PHACTR1: variants seen among roughly 807,000 people sequenced by gnomAD.
The protein encoded by PHACTR1 is phosphatase and actin regulator 1, also known as RPEL repeat containing 1.
A neutral mutation model predicts 69.2 loss-of-function variants in PHACTR1; 16 were observed. The ratio of observed to expected loss-of-function variants is 0.23; its 90% CI spans 0.16 to 0.35. The LOEUF is 0.35. PHACTR1 is among the 10% of genes least tolerant of loss of function. PHACTR1 has a pLI of 1.00. For synonymous variants in PHACTR1, 312 were observed against 284.5 expected (o/e 1.10, Z -0.97); for missense variants, 510 against 734.7 (o/e 0.69, Z 3.54).
At chr6:12,995,634 T>A (rs945831475) in intron 4 of PHACTR1, among the ~76,000 whole-genome samples, 2 of 152,090 alleles carry the variant, frequency 1.3e-5, no homozygotes, top group Admixed American at 6.6e-5. Context: ...AATTATGTAT[T>A]AATACTTAAT....
At chr6:13,013,532 G>C (rs1799684442) in intron 4 of PHACTR1, among the ~76,000 whole-genome samples, 2 of 152,232 alleles carry the variant, frequency 1.3e-5, no homozygotes, top group African/African-American at 4.8e-5. Context: ...AGTGAAGGTA[G>C]CTTCAAACCC....
At position 13,038,410 on chromosome 6, in the gene PHACTR1, C is replaced by G. The variant is rs148768809; in HGVS notation, c.251-14955C>G. Among the ~76,000 whole-genome samples the G allele has an allele frequency of 3.7e-3, 528 of 140,898 alleles. 4 individuals are homozygous for G. Among genetic ancestry groups the G allele is most frequent in the African/African-American group, 0.013 (499 of 37,928 alleles). 92.4% of individuals were successfully genotyped at this position (140,898 alleles called of 152,430 possible). ...AATTTAACTCAAAGCCTGAGAGGTA[C>G]AAAAGTACTCTAGAGGAAGAGGAAA... On this transcript the variant is annotated intron_variant, in intron 4 of 14. Transcript: ENST00000332995.
intron 5 of PHACTR1, among the ~76,000 whole-genome samples, chr6:13,090,953 A>G (rs1453521350): frequency 2.0e-5 from 3 of 146,532 alleles, no homozygotes; most frequent in Non-Finnish European, 4.5e-5. Context: ...TAATTATACA[A>G]CTCACCATAA....
At chr6:13,271,903 C>T (rs982688197) in intron 10 of PHACTR1, among the ~76,000 whole-genome samples, 10 of 152,096 alleles carry the variant, frequency 6.6e-5, no homozygotes, top group African/African-American at 2.4e-4. Flanking sequence ...CTGCAACTTC[C>T]TCAACTAGGA....
At chr6:13,029,137 G>A (rs1802097378) in intron 4 of PHACTR1, among the ~76,000 whole-genome samples, 1 of 152,176 alleles carries the variant, frequency 6.6e-6, no homozygotes, top group Non-Finnish European at 1.5e-5. Flanking sequence ...TAGATAGTAT[G>A]CCTGAGTCTC....
chr6:12,868,940 C>T (rs1016206889), intron 4 of PHACTR1, among the ~76,000 whole-genome samples: 1 of 152,054 alleles, frequency 6.6e-6, no homozygotes, highest in Non-Finnish European at 1.5e-5. Flanking sequence ...TTGGAGAACC[C>T]CTTTTAGGTA....
At chr6:13,116,028 G>T (rs1302135008) in intron 5 of PHACTR1, among the ~76,000 whole-genome samples, 5 of 152,164 alleles carry the variant, frequency 3.3e-5, no homozygotes, top group African/African-American at 4.8e-5. Flanking sequence ...TTAGTGTGCT[G>T]CAGACTGTCT....
At position 13,182,588 on chromosome 6, in the gene PHACTR1, T is replaced by C. The variant is rs1391342505; in HGVS notation, c.566T>C (p.Leu189Pro). The C allele has an allele frequency of 6.2e-7, 1 of 1,613,768 alleles. No homozygotes were observed. The highest frequency in any genetic ancestry group is 1.7e-5 in the Admixed American group (1 of 60,008). ...ENGQSLSSSQLSLPALSEMEP... is the reference protein window; with the variant it reads ...ENGQSLSSSQPSLPALSEMEP... ...GGGCAGTCCCTGAGCTCCAGCCAGC[T>C]GTCTCTGCCTGCCCTGTCCGAAATG... Residue 189 changes from leucine (L) to proline (P), a missense_variant, in exon 7 of 15, where the codon CTG becomes CCG. By Grantham distance (98) the Leu-to-Pro change is moderately conservative. Around this residue, in one of 2 missense-constraint regions of PHACTR1, gnomAD observed 419 missense variants for 530.9 expected, o/e 0.79. Coordinates refer to ENST00000332995, the MANE Select transcript of PHACTR1 (RefSeq NM_030948.6).
intron 7 of PHACTR1, among the ~76,000 whole-genome samples, chr6:13,185,193 C>G (rs1394631667): frequency 6.6e-6 from 1 of 152,156 alleles, no homozygotes; most frequent in Non-Finnish European, 1.5e-5. Context: ...TTGTGTCAAG[C>G]AGCATTTGAT....
At chr6:12,849,830 C>T (rs933178355) in intron 4 of PHACTR1, among the ~76,000 whole-genome samples, 1 of 152,040 alleles carries the variant, frequency 6.6e-6, no homozygotes, top group African/African-American at 2.4e-5. Context: ...AATTCATACC[C>T]CCAATAATTA....
At chr6:13,064,745 G>C (rs1211477281) in intron 5 of PHACTR1, among the ~76,000 whole-genome samples, 1 of 149,772 alleles carries the variant, frequency 6.7e-6, no homozygotes, top group African/African-American at 2.5e-5. Context: ...CGTGGTCTGG[G>C]ACCCTAGGTC....
At position 12,758,319 on chromosome 6, in the gene PHACTR1, G is replaced by C. The variant is rs111716055; in HGVS notation, c.250+8529G>C. Among the ~76,000 whole-genome samples, 558 of 151,940 alleles carry C rather than the reference G, an allele frequency of 3.7e-3. 2 individuals carry two copies. Among genetic ancestry groups the C allele is most frequent in the African/African-American group, 0.012 (512 of 41,370 alleles). ...TTAGCCGGTGTGGGGGCACACACCT[G>C]TAGTCACAGCTACTCGGGAGGCTGA... On this transcript the variant is annotated intron_variant, in intron 4 of 14. Coordinates refer to ENST00000332995, the MANE Select transcript of PHACTR1 (RefSeq NM_030948.6).
intron 4 of PHACTR1, among the ~76,000 whole-genome samples, chr6:12,811,473 G>A (rs920276306): frequency 6.6e-6 from 1 of 152,168 alleles, no homozygotes; most frequent in East Asian, 1.9e-4. Flanking sequence ...ATCTTGACAC[G>A]GTAGTGGTTA....
intron 4 of PHACTR1, among the ~76,000 whole-genome samples, chr6:12,931,003 C>CAAA (rs34965562): frequency 4.0e-3 from 334 of 84,338 alleles, no homozygotes; most frequent in Non-Finnish European, 5.9e-3. Flanking sequence ...AACTCTGTCT[C>CAAA]AAAAAAAAAA....
At chr6:12,842,135 C>A (rs1037051983) in intron 4 of PHACTR1, among the ~76,000 whole-genome samples, 5 of 152,012 alleles carry the variant, frequency 3.3e-5, no homozygotes, top group African/African-American at 1.2e-4. Context: ...GGAAAAAAAT[C>A]TATAAGGAGA....
At chr6:13,156,493 A>G (rs1583623984) in intron 5 of PHACTR1, among the ~76,000 whole-genome samples, 2 of 152,324 alleles carry the variant, frequency 1.3e-5, no homozygotes. Flanking sequence ...TGAGTCATAC[A>G]CTTGGAGCCC....
intron 2 of PHACTR1, among the ~76,000 whole-genome samples, chr6:12,718,039 G>A (rs887175847): frequency 1.1e-4 from 16 of 152,160 alleles, no homozygotes; most frequent in African/African-American, 3.6e-4. Flanking sequence ...GCTAGTGTAT[G>A]ATAATATAGG....
chr6:13,255,161 A>G (rs1775006964), intron 10 of PHACTR1, among the ~76,000 whole-genome samples: 2 of 152,204 alleles, frequency 1.3e-5, no homozygotes, highest in African/African-American at 4.8e-5. Flanking sequence ...TGTGTCATAC[A>G]TGCTAGGAAC....
chr6:13,191,363 C>T (rs1265609276), intron 7 of PHACTR1, among the ~76,000 whole-genome samples: 1 of 152,116 alleles, frequency 6.6e-6, no homozygotes, highest in Non-Finnish European at 1.5e-5. Context: ...CTCACGGGCC[C>T]TAGAGACAGG....
Sources: gnomAD v4.1 joint callset for allele counts (sites outside exome capture counted in the v4.1 genomes callset) on GRCh38, gnomAD v4.1.1 for gene constraint, gnomAD v4.1.1 regional missense constraint, MANE v1.5 for transcripts, NCBI Gene and HGNC (gene_info 2026-07-23, HGNC 2026-07-21) for gene names.